CCDC170: variants seen among roughly 807,000 people sequenced by gnomAD.
CCDC170 encodes the protein coiled-coil domain containing 170.
In CCDC170, 69 loss-of-function variants were observed where a neutral mutation model predicts 72.6. The observed-to-expected ratio is 0.95, with a 90% CI of 0.78 to 1.16. The LOEUF (loss-of-function observed/expected upper bound fraction) is 1.16, where lower values mean the gene tolerates loss of function less well. Among genes scored for constraint, CCDC170 ranks in the 50% most tolerant of loss-of-function variants. The pLI is 0.00. For missense variants in CCDC170, 852 were observed against 832.5 expected (o/e 1.02, Z -0.29); for synonymous variants, 300 against 303.9 (o/e 0.99, Z 0.13).
intron 5 of CCDC170, among the ~76,000 whole-genome samples, chr6:151,551,278 C>T (rs1033048175): frequency 2.6e-5 from 4 of 152,254 alleles, no homozygotes; most frequent in South Asian, 4.1e-4. Context: ...TAAGTATTGC[C>T]TCTAACTATG....
rs1782560166 is a variant in CCDC170 at position 151,535,457 on chromosome 6, G to A, written c.58-861G>A. ...GAGATTATGAGATTGAGAATATGAT[G>A]GTTATGAGGTTATGAGACTGAGTAT... On this transcript the variant is annotated intron_variant, in intron 1 of 10. Transcript: ENST00000239374. 2.0e-5 allele frequency among the ~76,000 whole-genome samples: 3 copies of A among 152,086 alleles called. No homozygotes were observed. In the South Asian group the frequency reaches 6.2e-4, roughly 32 times the overall value.
At chr6:151,608,876 G>A (rs1198247830) in intron 9 of CCDC170, among the ~76,000 whole-genome samples, 1 of 152,212 alleles carries the variant, frequency 6.6e-6, no homozygotes, top group Non-Finnish European at 1.5e-5. Flanking sequence ...TGGACTCCAG[G>A]CAGCTCATTA....
intron 1 of CCDC170, among the ~76,000 whole-genome samples, chr6:151,503,383 T>C (rs368435174): frequency 2.0e-5 from 3 of 152,210 alleles, no homozygotes; most frequent in Non-Finnish European, 2.9e-5. Context: ...TGAATTGGAA[T>C]AGTCTTAGAA....
intron 1 of CCDC170, among the ~76,000 whole-genome samples, chr6:151,496,062 TG>T (rs1356776007): frequency 2.6e-5 from 4 of 152,182 alleles, no homozygotes; most frequent in African/African-American, 9.7e-5. Context: ...TTTTTTTGTT[TG>T]TTTTTTTGTT....
chr6:151,554,592 T>C (rs1782943123), intron 5 of CCDC170, among the ~76,000 whole-genome samples: 1 of 151,944 alleles, frequency 6.6e-6, no homozygotes, highest in Admixed American at 6.6e-5. Context: ...AAGCGTGTGG[T>C]GGGCACCTGT....
In CCDC170 at chr6:151,618,000, CCTTGCT is replaced by C. The variant is rs780894449; in HGVS notation, c.2005_2010del (p.Ala669_Leu670del). 2 of 1,614,108 alleles carry C rather than the reference CCTTGCT, an allele frequency of 1.2e-6. No homozygotes were observed. Among genetic ancestry groups the C allele is most frequent in the South Asian group, 2.2e-5 (2 of 91,082 alleles). ...AGATGCTAGGCTTGAACGTGACCAG[CCTTGCT>C]CTTCCTGATTATGAAATCATCAAGT... On this transcript the variant is annotated inframe_deletion, in exon 11 of 11. Coordinates refer to ENST00000239374, the MANE Select transcript of CCDC170 (RefSeq NM_025059.4).
chr6:151,531,832 G>A lies in CCDC170; in HGVS notation c.58-4486G>A, dbSNP rs115614149. Reference sequence around the variant, plus strand: ...AAGGAGAAGTGCAGAGCAAAAGGATGAAAAGTTCCTTATAAAACCATCAGA... The same window carrying A: ...AAGGAGAAGTGCAGAGCAAAAGGATAAAAAGTTCCTTATAAAACCATCAGA... On this transcript the variant is annotated intron_variant, in intron 1 of 10. Transcript: ENST00000239374. 8.7e-3 allele frequency among the ~76,000 whole-genome samples: 1,322 copies of A among 152,260 alleles called. 20 individuals carry two copies. Among genetic ancestry groups the A allele is most frequent in the African/African-American group, 0.03 (1,243 of 41,558 alleles).
At chr6:151,515,301 GA>G (rs1782218241) in intron 1 of CCDC170, among the ~76,000 whole-genome samples, 1 of 152,156 alleles carries the variant, frequency 6.6e-6, no homozygotes. Flanking sequence ...CTTATTTATT[GA>G]GACGGAGTCT....
At chr6:151,501,101 A>T (rs1177103475) in intron 1 of CCDC170, among the ~76,000 whole-genome samples, 8 of 152,178 alleles carry the variant, frequency 5.3e-5, no homozygotes, top group African/African-American at 1.7e-4. Context: ...AGTGAATTAG[A>T]TGAGTAATTA....
At position 151,618,022 on chromosome 6, in the gene CCDC170, A is replaced by G. The variant is rs750006616; in HGVS notation, c.2023A>G (p.Ile675Val). The change falls in exon 11 of 11, where the codon ATC becomes GTC. Residue 675 changes from isoleucine (I) to valine (V), a missense_variant. Ile to Val is a conservative substitution (Grantham distance 29). Transcript: ENST00000239374. ...VTSLALPDYE[I>V]IKCLERLVHS... ...CAGCCTTGCTCTTCCTGATTATGAA[A>G]TCATCAAGTGTCTTGAAAGATTGGT... The G allele has an allele frequency of 6.8e-6, 11 of 1,614,140 alleles. No individual in the cohort carries two copies. Among genetic ancestry groups the G allele is most frequent in the Non-Finnish European group, 9.3e-6 (11 of 1,180,004 alleles).
intron 9 of CCDC170, among the ~76,000 whole-genome samples, chr6:151,604,016 C>T (rs1321514101): frequency 6.6e-6 from 1 of 152,114 alleles, no homozygotes; most frequent in Admixed American, 6.5e-5. Context: ...TATCATGTGG[C>T]CCAACCTTAG....
intron 7 of CCDC170, among the ~76,000 whole-genome samples, chr6:151,588,913 G>A (rs1163195799): frequency 6.6e-6 from 1 of 152,110 alleles, no homozygotes; most frequent in Non-Finnish European, 1.5e-5. Flanking sequence ...TTCAGCCTAG[G>A]TGACAGAGTG....
In CCDC170 at chr6:151,547,171, A is replaced by G. The variant is rs144036277; in HGVS notation, c.589-1133A>G. ...CATTCGCAAGGAACCATGCATTCCT[A>G]ACAATTAGACATTCATTCCTTCATT... On this transcript the variant is annotated intron_variant, in intron 4 of 10. Transcript: ENST00000239374. 7.0e-4 allele frequency among the ~76,000 whole-genome samples: 106 copies of G among 152,274 alleles called. No homozygotes were observed. In the East Asian group the frequency reaches 0.02, roughly 28 times the overall value.
chr6:151,590,737 T>A (rs9383929), intron 7 of CCDC170, among the ~76,000 whole-genome samples: 69,252 of 152,072 alleles, frequency 0.46, 18,741 homozygotes, highest in East Asian at 0.8. Flanking sequence ...AACTTTCTCT[T>A]TGGGGTCTCG....
intron 3 of CCDC170, among the ~76,000 whole-genome samples, chr6:151,542,068 C>T (rs1465372409): frequency 2.6e-5 from 4 of 151,236 alleles, no homozygotes; most frequent in East Asian, 2.0e-4. Flanking sequence ...TTAGTAGAGA[C>T]GGGGTTTTGC....
chr6:151,562,377 G>A (rs1776050037), intron 5 of CCDC170, among the ~76,000 whole-genome samples: 2 of 152,108 alleles, frequency 1.3e-5, no homozygotes, highest in Non-Finnish European at 2.9e-5. Context: ...GTTTGAATGG[G>A]ACTTCTTTTT....
At chr6:151,613,913 A>C (rs967026774) in intron 9 of CCDC170, among the ~76,000 whole-genome samples, 3 of 152,194 alleles carry the variant, frequency 2.0e-5, no homozygotes, top group African/African-American at 7.2e-5. Context: ...AAAAACTGGC[A>C]AACTATTTTC....
intron 9 of CCDC170, 48 bp downstream of exon 9, chr6:151,596,625 A>T (rs755803585): frequency 6.2e-7 from 1 of 1,602,208 alleles, no homozygotes. Context: ...GGTTACTGTC[A>T]ATGTTTTATG....
intron 1 of CCDC170, among the ~76,000 whole-genome samples, chr6:151,506,858 C>G (rs1177623401): frequency 2.0e-5 from 3 of 152,192 alleles, no homozygotes; most frequent in Admixed American, 6.5e-5. Context: ...TCCCAAGGAA[C>G]AGAGAATTCT....
Sources: allele counts gnomAD v4.1 joint callset (sites outside exome capture counted in the v4.1 genomes callset), GRCh38; gene constraint gnomAD v4.1.1; transcripts MANE v1.5; gene names NCBI Gene and HGNC (gene_info 2026-07-23, HGNC 2026-07-21).